Variants in SMCO4 observed in about 807,000 individuals in gnomAD.
SMCO4 encodes the protein single-pass membrane and coiled-coil domain-containing protein 4.
In SMCO4, 4 loss-of-function variants were observed where a neutral mutation model predicts 3.6. That is an observed-to-expected ratio of 1.11 (90% CI 0.54 to 2.53). The LOEUF (loss-of-function observed/expected upper bound fraction) is 2.53, where lower values mean the gene tolerates loss of function less well. Among genes scored for constraint, SMCO4 ranks in the 30% most tolerant of loss-of-function variants. The probability of loss-of-function intolerance (pLI) is 0.02; values close to 1 mark genes in which losing one functional copy is unlikely to be tolerated. For synonymous variants in SMCO4, 36 were observed against 35.3 expected, an observed-to-expected ratio of 1.02 and a Z score of -0.07; for missense variants, 70 against 80.8, an observed-to-expected ratio of 0.87 and a Z score of 0.51.
At chr11:93,526,283 AACAG>A (rs1287896227) in intron 1 of SMCO4, among the ~76,000 whole-genome samples, 1 of 144,414 alleles carries the variant, frequency 6.9e-6, no homozygotes, top group Non-Finnish European at 1.5e-5. Flanking sequence ...AGAGAACAGA[AACAG>A]ACAAATATTT....
At chr11:93,515,383 GTTCA>G (rs1462948263) in intron 1 of SMCO4, among the ~76,000 whole-genome samples, 20 of 152,024 alleles carry the variant, frequency 1.3e-4, no homozygotes, top group African/African-American at 4.6e-4. Flanking sequence ...AAGCTTCCAT[GTTCA>G]TTATTTTATT....
intron 1 of SMCO4, among the ~76,000 whole-genome samples, chr11:93,506,682 C>A (rs1948906651): frequency 1.3e-5 from 2 of 152,122 alleles, no homozygotes; most frequent in Non-Finnish European, 2.9e-5. Context: ...ACCTCGTGAT[C>A]CAACCGCCTC....
intron 1 of SMCO4, among the ~76,000 whole-genome samples, chr11:93,521,358 G>A (rs1039590704): frequency 6.6e-6 from 1 of 152,180 alleles, no homozygotes; most frequent in Non-Finnish European, 1.5e-5. Flanking sequence ...ATAAAACGAA[G>A]GGCAGCAGAT....
upstream of SMCO4, among the ~76,000 whole-genome samples, chr11:93,545,919 C>G (rs1256265570): frequency 1.3e-5 from 2 of 152,190 alleles, no homozygotes; most frequent in African/African-American, 4.8e-5. Flanking sequence ...TGGTCCAACT[C>G]CTTGAAGAGG....
chr11:93,534,679 C>T (rs1428832180), intron 1 of SMCO4, among the ~76,000 whole-genome samples: 1 of 152,176 alleles, frequency 6.6e-6, no homozygotes, highest in Non-Finnish European at 1.5e-5. Context: ...GTTCCCCCTC[C>T]ACCACTCCTG....
intron 1 of SMCO4, chr11:93,535,533 C>A (rs932379717): frequency 1.4e-5 from 20 of 1,406,070 alleles, no homozygotes; most frequent in Non-Finnish European, 1.8e-5. Flanking sequence ...AAGTGCTGGA[C>A]ATCAGGCAGC....
chr11:93,519,220 G>C (rs1407675222), intron 1 of SMCO4, among the ~76,000 whole-genome samples: 2 of 152,158 alleles, frequency 1.3e-5, no homozygotes, highest in Admixed American at 6.5e-5. Context: ...GAGGACAGTG[G>C]CAAGATGGGA....
chr11:93,518,849 T>C (rs1221211618), intron 1 of SMCO4, among the ~76,000 whole-genome samples: 1 of 152,128 alleles, frequency 6.6e-6, no homozygotes, highest in Non-Finnish European at 1.5e-5. Context: ...AAGAAAACAG[T>C]CAAGAGGACA....
At chr11:93,535,319 C>T (rs1949209609) in intron 1 of SMCO4, 2 of 572,506 alleles carry the variant, frequency 3.5e-6, no homozygotes, top group Non-Finnish European at 6.2e-6. Flanking sequence ...GAGCCATGGT[C>T]CTTGAGGGTT....
At chr11:93,502,785 C>T (rs1182079763) in intron 1 of SMCO4, among the ~76,000 whole-genome samples, 1 of 152,056 alleles carries the variant, frequency 6.6e-6, no homozygotes, top group Admixed American at 6.6e-5. Flanking sequence ...CAGAATTAGA[C>T]AAATTATGGT....
chr11:93,529,023 GC>G, intron 1 of SMCO4, among the ~76,000 whole-genome samples: 1 of 152,290 alleles, frequency 6.6e-6, no homozygotes, highest in South Asian at 2.1e-4. Context: ...AACACGTGGA[GC>G]CCTGTCTGGC....
intron 2 of SMCO4, among the ~76,000 whole-genome samples, chr11:93,489,995 C>T (rs968015717): frequency 2.0e-5 from 3 of 152,182 alleles, no homozygotes; most frequent in Non-Finnish European, 4.4e-5. Context: ...CAAAGCAGCC[C>T]GGGTAAGTGC....
chr11:93,524,247 A>C (rs1393881521), intron 1 of SMCO4, among the ~76,000 whole-genome samples: 1 of 152,228 alleles, frequency 6.6e-6, no homozygotes. Context: ...TTCAGTAACC[A>C]GCTCAGGCTC....
intron 1 of SMCO4, among the ~76,000 whole-genome samples, chr11:93,513,478 G>A (rs1254853902): frequency 6.6e-6 from 1 of 152,238 alleles, no homozygotes; most frequent in Non-Finnish European, 1.5e-5. Context: ...CCTGCAGCTG[G>A]AGATGGGTTA....
intron 1 of SMCO4, among the ~76,000 whole-genome samples, chr11:93,528,945 G>C (rs1169294566): frequency 6.6e-6 from 1 of 152,252 alleles, no homozygotes; most frequent in East Asian, 1.9e-4. Flanking sequence ...ACTAGATGTT[G>C]GGGGCATGTC....
intron 1 of SMCO4, among the ~76,000 whole-genome samples, chr11:93,516,227 G>A (rs1949006639): frequency 6.6e-6 from 1 of 152,148 alleles, no homozygotes; most frequent in Non-Finnish European, 1.5e-5. Flanking sequence ...TCCCGGTAAT[G>A]GGTAAGGGAG....
chr11:93,485,283 C>T (rs1308223665), intron 2 of SMCO4, among the ~76,000 whole-genome samples: 1 of 152,202 alleles, frequency 6.6e-6, no homozygotes, highest in Non-Finnish European at 1.5e-5. Context: ...ACTCCCTAAG[C>T]CTTCACAGCC....
At chr11:93,528,572 G>C (rs1488683111) in intron 1 of SMCO4, among the ~76,000 whole-genome samples, 1 of 152,210 alleles carries the variant, frequency 6.6e-6, no homozygotes, top group African/African-American at 2.4e-5. Context: ...GGCTGGCTGG[G>C]ATAAAAAGTT....
intron 1 of SMCO4, among the ~76,000 whole-genome samples, chr11:93,528,312 A>G (rs959675255): frequency 7.2e-5 from 11 of 152,224 alleles, no homozygotes; most frequent in Admixed American, 4.6e-4. Flanking sequence ...CAGAAATAAA[A>G]AGCCTTTGTT....
Sources: gnomAD v4.1 joint callset for allele counts (sites outside exome capture counted in the v4.1 genomes callset) on GRCh38, gnomAD v4.1.1 for gene constraint, MANE v1.5 for transcripts, NCBI Gene and HGNC (gene_info 2026-07-23, HGNC 2026-07-21) for gene names.